The following DLGAP2 variants were observed in gnomAD, a reference collection of about 807,000 sequenced individuals.
DLGAP2 encodes DLG associated protein 2.
DLGAP2 carries 26 observed loss-of-function variants against 100.3 expected under a neutral mutation model. The ratio of observed to expected loss-of-function variants is 0.26; its 90% CI spans 0.19 to 0.36. The LOEUF is 0.36. DLGAP2 is among the 10% of genes least tolerant of loss of function. The pLI, the probability that DLGAP2 is intolerant of heterozygous loss-of-function variation, is 1.00. For missense variants in DLGAP2, 1,858 were observed against 1,453.2 expected, an observed-to-expected ratio of 1.28 and a Z score of -4.53; for synonymous variants, 886 against 630.1, an observed-to-expected ratio of 1.41 and a Z score of -6.08.
intron 1 of DLGAP2, among the ~76,000 whole-genome samples, chr8:778,951 C>G (rs956246783): frequency 2.6e-5 from 4 of 152,246 alleles, no homozygotes; most frequent in African/African-American, 9.6e-5. Context: ...TCGCTGCCAC[C>G]TTGCAGTTTG....
At chr8:1,688,937 C>A (rs919111789) in intron 12 of DLGAP2, among the ~76,000 whole-genome samples, 21 of 152,114 alleles carry the variant, frequency 1.4e-4, no homozygotes, top group African/African-American at 4.6e-4. Flanking sequence ...ACATTAAGAC[C>A]CTTTGTGCCC....
chr8:1,155,957 C>G (rs899521537), intron 2 of DLGAP2, among the ~76,000 whole-genome samples: 3 of 152,174 alleles, frequency 2.0e-5, no homozygotes, highest in Non-Finnish European at 2.9e-5. Context: ...GTGGGCGTCC[C>G]GTTCCTGCGC....
At chr8:1,367,522 C>G (rs1391314900) in intron 3 of DLGAP2, among the ~76,000 whole-genome samples, 1 of 152,236 alleles carries the variant, frequency 6.6e-6, no homozygotes, top group African/African-American at 2.4e-5. Context: ...CAGGCACACC[C>G]TGCTGGGGGC....
chr8:1,338,383 C>G (rs985837333), intron 3 of DLGAP2, among the ~76,000 whole-genome samples: 2 of 152,166 alleles, frequency 1.3e-5, no homozygotes, highest in African/African-American at 4.8e-5. Context: ...ATGAGAGAAG[C>G]CAGACTCAAG....
intron 2 of DLGAP2, among the ~76,000 whole-genome samples, chr8:1,017,644 G>T (rs1584980526): frequency 6.9e-6 from 1 of 145,128 alleles, no homozygotes; most frequent in Non-Finnish European, 1.6e-5. Flanking sequence ...CGGGACAGAT[G>T]ACACCTCCAC....
intron 3 of DLGAP2, among the ~76,000 whole-genome samples, chr8:1,447,329 A>G (rs1162485101): frequency 6.6e-6 from 1 of 152,216 alleles, no homozygotes; most frequent in Non-Finnish European, 1.5e-5. Context: ...CCTTTTCTGC[A>G]TCTATTGAGA....
At chr8:961,649 GAATT>G (rs1395512665) in intron 2 of DLGAP2, among the ~76,000 whole-genome samples, 1 of 152,092 alleles carries the variant, frequency 6.6e-6, no homozygotes, top group African/African-American at 2.4e-5. Flanking sequence ...TAAGAAATTA[GAATT>G]AATACATTTT....
rs780805740 is a variant in DLGAP2 at position 913,871 on chromosome 8, G to A, written c.73+5905G>A. 3.9e-5 allele frequency among the ~76,000 whole-genome samples: 6 copies of A among 152,222 alleles called. 1 individual carries two copies. The highest frequency in any genetic ancestry group is 4.1e-4 in the South Asian group (2 of 4,834). On this transcript the variant is annotated intron_variant, in intron 2 of 14. Coordinates refer to ENST00000637795, the MANE Select transcript of DLGAP2 (RefSeq NM_001346810.2). ...CACGGTGTGGACCGGGAACCCTGAC[G>A]TGGGAGCCGAAAGATGGGGAGGCTG...
At chr8:827,637 G>C (rs1796706572) in intron 1 of DLGAP2, among the ~76,000 whole-genome samples, 1 of 152,186 alleles carries the variant, frequency 6.6e-6, no homozygotes. Context: ...TTTGAAATAA[G>C]ATAAATGATA....
At chr8:829,636 T>C (rs574523901) in intron 1 of DLGAP2, among the ~76,000 whole-genome samples, 4 of 152,232 alleles carry the variant, frequency 2.6e-5, no homozygotes, top group East Asian at 1.9e-4. Flanking sequence ...TTTCAAACTA[T>C]GTAAGCCATA....
In DLGAP2 at chr8:1,386,504, A is replaced by G. The variant is rs75359351; in HGVS notation, c.107-114862A>G. ...CAGAATTCCCTCCAGAATCCTGGAG[A>G]AGTGGTGGCTGCTCCGGAGCTCCAG... On this transcript the variant is annotated intron_variant, in intron 3 of 14. Coordinates refer to ENST00000637795, the MANE Select transcript of DLGAP2 (RefSeq NM_001346810.2). Among the ~76,000 whole-genome samples the G allele has an allele frequency of 8.6e-3, 1,310 of 152,256 alleles. 17 individuals are homozygous for G. The highest frequency in any genetic ancestry group is 0.03 in the African/African-American group (1,229 of 41,542).
At chr8:1,324,764 C>G (rs1800982533) in intron 3 of DLGAP2, among the ~76,000 whole-genome samples, 1 of 152,172 alleles carries the variant, frequency 6.6e-6, no homozygotes, top group Admixed American at 6.5e-5. Context: ...TTCCATGTTC[C>G]TGTCTTTCTT....
At chr8:1,001,022 C>T (rs1172985623) in intron 2 of DLGAP2, among the ~76,000 whole-genome samples, 1 of 152,160 alleles carries the variant, frequency 6.6e-6, no homozygotes, top group Non-Finnish European at 1.5e-5. Flanking sequence ...CAGGAGGTGT[C>T]GATGACATTT....
intron 8 of DLGAP2, among the ~76,000 whole-genome samples, chr8:1,644,824 T>G (rs186868034): frequency 6.6e-6 from 1 of 152,362 alleles, no homozygotes; most frequent in East Asian, 1.9e-4. Flanking sequence ...TAACAGGATG[T>G]TCGTCTAAAA....
chr8:1,477,609 G>A lies in DLGAP2; in HGVS notation c.107-23757G>A, dbSNP rs57660625. ...GTTCCTAATTCCTCACAGCTCACCT[G>A]TCTGTGGCCATGATAAACAGCCTCC... On this transcript the variant is annotated intron_variant, in intron 3 of 14. Coordinates refer to ENST00000637795, the MANE Select transcript of DLGAP2 (RefSeq NM_001346810.2). Among the ~76,000 whole-genome samples the A allele has an allele frequency of 9.3e-3, 1,417 of 152,258 alleles. 25 individuals carry two copies. Among genetic ancestry groups the A allele is most frequent in the African/African-American group, 0.033 (1,371 of 41,544 alleles).
intron 4 of DLGAP2, among the ~76,000 whole-genome samples, chr8:1,508,951 C>T (rs1380551773): frequency 1.3e-5 from 2 of 152,084 alleles, no homozygotes; most frequent in African/African-American, 2.4e-5. Context: ...AGTTTTAAAC[C>T]ATGGGCTGCA....
At chr8:1,225,932 A>AAT (rs1311748833) in intron 2 of DLGAP2, among the ~76,000 whole-genome samples, 7 of 152,112 alleles carry the variant, frequency 4.6e-5, no homozygotes, top group East Asian at 3.8e-4. Context: ...GTATGCTGTA[A>AAT]ATATATATAT....
chr8:912,031 C>T (rs1015306415), intron 2 of DLGAP2, among the ~76,000 whole-genome samples: 9 of 152,182 alleles, frequency 5.9e-5, no homozygotes, highest in African/African-American at 1.4e-4. Flanking sequence ...GCACAATTGG[C>T]GGGGTTCTGA....
chr8:1,326,391 C>G (rs186605324), intron 3 of DLGAP2, among the ~76,000 whole-genome samples: 5 of 152,338 alleles, frequency 3.3e-5, no homozygotes, highest in Non-Finnish European at 7.3e-5. Flanking sequence ...TAACAAAACT[C>G]TCTCCCACTG....
Sources: gnomAD v4.1 joint callset for allele counts (sites outside exome capture counted in the v4.1 genomes callset) on GRCh38, gnomAD v4.1.1 for gene constraint, MANE v1.5 for transcripts, NCBI Gene and HGNC (gene_info 2026-07-23, HGNC 2026-07-21) for gene names.